The following SNX27 variants were observed in gnomAD, a reference collection of about 807,000 sequenced individuals.
SNX27 encodes sorting nexin-27.
Under a neutral mutation model 71.6 loss-of-function variants are expected in SNX27, and 22 were observed. The ratio of observed to expected loss-of-function variants is 0.31; its 90% CI spans 0.22 to 0.44. The LOEUF is 0.44. SNX27 is among the 20% of genes least tolerant of loss of function. The pLI, the probability that SNX27 is intolerant of heterozygous loss-of-function variation, is 1.00. For synonymous variants in SNX27, 269 were observed against 277.2 expected, an observed-to-expected ratio of 0.97 and a Z score of 0.29; for missense variants, 531 against 698.6, an observed-to-expected ratio of 0.76 and a Z score of 2.70.
intron 1 of SNX27, chr1:151,629,517 A>G (rs12752380): frequency 6.6e-6 from 1 of 150,692 alleles, no homozygotes. Context: ...ACATATATAC[A>G]CGTATATATA....
intron 7 of SNX27, chr1:151,679,560 T>G (rs1474393982): frequency 6.6e-6 from 1 of 152,208 alleles, no homozygotes; most frequent in Non-Finnish European, 1.5e-5. Flanking sequence ...TTGACAGTTT[T>G]TAGAAAATGA....
intron 7 of SNX27, chr1:151,669,206 T>C (rs977482710): frequency 6.6e-6 from 1 of 152,414 alleles, no homozygotes; most frequent in African/African-American, 2.4e-5. Flanking sequence ...TCCTTCTCCA[T>C]TCCTACCATA....
In SNX27 at chr1:151,668,594, T is replaced by A. The variant is rs1307799849; in HGVS notation, c.1108T>A (p.Leu370Ile). The change falls in exon 7 of 12, where the codon TTA (leucine) becomes ATA (isoleucine). Residue 370 changes from leucine to isoleucine, a missense_variant. Transcript: ENST00000458013. ...TTTTACAACAGAAGAAGAAATTCTC[T>A]TAAATGACAATGACCTTGCTGTTAC... ...WLFTTEEEIL[L>I]NDNDLAVTYF... 1 of 1,613,930 alleles carries A rather than the reference T, an allele frequency of 6.2e-7. No homozygotes were observed. The highest frequency in any genetic ancestry group is 8.5e-7 in the Non-Finnish European group (1 of 1,180,000).
At chr1:151,688,811 G>T (rs528693160) in intron 8 of SNX27, among the ~76,000 whole-genome samples, 1 of 151,962 alleles carries the variant, frequency 6.6e-6, no homozygotes, top group South Asian at 2.1e-4. Context: ...TACTACCTGG[G>T]TGTTTTTTCT....
At chr1:151,656,169 G>T (rs1669680668) in intron 2 of SNX27, among the ~76,000 whole-genome samples, 1 of 143,578 alleles carries the variant, frequency 7.0e-6, no homozygotes, top group East Asian at 2.1e-4. Flanking sequence ...CTTGCAGTGA[G>T]CAGACATCGT....
At chr1:151,617,046 C>G (rs1322380770) in intron 1 of SNX27, among the ~76,000 whole-genome samples, 1 of 152,044 alleles carries the variant, frequency 6.6e-6, no homozygotes, top group Non-Finnish European at 1.5e-5. Context: ...TAAGGTTATA[C>G]CAACAAATAG....
Position 151,642,335 on chromosome 1 carries a change from C to T in SNX27, c.543+3216C>T, listed in dbSNP as rs180911659. Among the ~76,000 whole-genome samples the T allele has an allele frequency of 4.0e-5, 6 of 150,282 alleles. No individual in the cohort carries two copies. In the East Asian group the frequency reaches 5.9e-4, roughly 15 times the overall value. On this transcript the variant is annotated intron_variant, in intron 2 of 11. Coordinates refer to ENST00000458013, the MANE Select transcript of SNX27 (RefSeq NM_001330723.2). ...CCGGGAGGCTGACCTTGCAGTGAGC[C>T]GAGATTGTGCCATTGCACTCCAGCC...
At chr1:151,685,302 G>A (rs567942239) in intron 8 of SNX27, 1 of 152,292 alleles carries the variant, frequency 6.6e-6, no homozygotes, top group African/African-American at 2.4e-5. Flanking sequence ...TAGTGATTCT[G>A]ATAGGTCATT....
chr1:151,688,183 G>T lies in SNX27; in HGVS notation c.1240-4252G>T, dbSNP rs578260031. On this transcript the variant is annotated intron_variant, in intron 8 of 11. Coordinates refer to ENST00000458013, the MANE Select transcript of SNX27 (RefSeq NM_001330723.2). Reference sequence around the variant, plus strand: ...GCTGTGTCCTTGGTGAGACAACAGAGTAAAGTCTCACTGGGAGACAGGGTG... The same window carrying T: ...GCTGTGTCCTTGGTGAGACAACAGATTAAAGTCTCACTGGGAGACAGGGTG... Among the ~76,000 whole-genome samples the T allele has an allele frequency of 2.0e-5, 3 of 152,172 alleles. No homozygotes were observed. In the South Asian group the frequency reaches 6.2e-4, roughly 32 times the overall value.
intron 8 of SNX27, among the ~76,000 whole-genome samples, chr1:151,687,480 A>G (rs1671231867): frequency 1.3e-5 from 2 of 151,928 alleles, no homozygotes; most frequent in South Asian, 2.1e-4. Flanking sequence ...CAGAATCACT[A>G]CTCTGATTCT....
chr1:151,624,670 G>T (rs1223541047), intron 1 of SNX27, among the ~76,000 whole-genome samples: 1 of 151,376 alleles, frequency 6.6e-6, no homozygotes, highest in Non-Finnish European at 1.5e-5. Flanking sequence ...GACCTCAGGT[G>T]ATACACCTAC....
At position 151,668,585 on chromosome 1, in the gene SNX27, G is replaced by A. The variant is rs1338008747; in HGVS notation, c.1099G>A (p.Glu367Lys). 6.2e-7 allele frequency: 1 copy of A among 1,613,888 alleles called. No individual in the cohort carries two copies. Among genetic ancestry groups the A allele is most frequent in the Non-Finnish European group, 8.5e-7 (1 of 1,179,970 alleles). The change falls in exon 7 of 12, where the codon GAA becomes AAA. Residue 367 changes from glutamate to lysine, a missense_variant. Around this residue, in one of 5 missense-constraint regions of SNX27, gnomAD observed 184 missense variants for 289.6 expected, o/e 0.64. Transcript: ENST00000458013. Reference sequence around the variant, plus strand: ...AAAGTGGCTTTTTACAACAGAAGAAGAAATTCTCTTAAATGACAATGACCT... The same window carrying A: ...AAAGTGGCTTTTTACAACAGAAGAAAAAATTCTCTTAAATGACAATGACCT... Reference protein sequence around the residue: ...IRKWLFTTEEEILLNDNDLAV... With the variant: ...IRKWLFTTEEKILLNDNDLAV...
chr1:151,638,588 CTT>C (rs1207046356), intron 1 of SNX27, among the ~76,000 whole-genome samples: 3 of 152,268 alleles, frequency 2.0e-5, no homozygotes, highest in East Asian at 3.9e-4. Context: ...ACTGAAAAAG[CTT>C]TGTTTCCTCC....
At chr1:151,651,060 T>C (rs1571816616) in intron 2 of SNX27, among the ~76,000 whole-genome samples, 1 of 152,008 alleles carries the variant, frequency 6.6e-6, no homozygotes, top group African/African-American at 2.4e-5. Context: ...CTTTCCCGCC[T>C]TTCTATTCCA....
chr1:151,657,397 G>A (rs1669744999), intron 2 of SNX27, among the ~76,000 whole-genome samples: 1 of 152,034 alleles, frequency 6.6e-6, no homozygotes, highest in Non-Finnish European at 1.5e-5. Flanking sequence ...TGAACTCTTG[G>A]ACTCAAGCAA....
At chr1:151,660,702 A>T in intron 3 of SNX27, 96 bp from the exon 4 acceptor site, 1 of 936,740 alleles carries the variant, frequency 1.1e-6, no homozygotes, top group Non-Finnish European at 1.7e-6. Flanking sequence ...ATTTAAACTT[A>T]AAACTGATGA....
rs886474002 is a variant in SNX27 at position 151,612,712 on chromosome 1, C to G, written c.311+200C>G. ...ACCCGCCCCGGGGCTTCTGCGACGCCGGTCTCCCACCCCGTCGTCTCCAGC... is the reference window on the plus strand; with the variant it reads ...ACCCGCCCCGGGGCTTCTGCGACGCGGGTCTCCCACCCCGTCGTCTCCAGC... On this transcript the variant is annotated intron_variant, in intron 1 of 11. Coordinates refer to ENST00000458013, the MANE Select transcript of SNX27 (RefSeq NM_001330723.2). This position sits in a 1 kb window ranked among gnomAD's most constrained non-coding sequence, Gnocchi z 5.2. 1.3e-5 allele frequency among the ~76,000 whole-genome samples: 2 copies of G among 152,110 alleles called. No individual in the cohort carries two copies. The highest frequency in any genetic ancestry group is 4.8e-5 in the African/African-American group (2 of 41,426).
Position 151,692,432 on chromosome 1 carries a change from T to TTATTAAAAA in SNX27, c.1240-3_1240-2insTATTAAAAA. The stretch of plus-strand genomic sequence containing the variant: ...TTTTTTTTTTTTTTTTTTTTTTTTT[T>TTATTAAAAA]AGTACCTCAACATGCTAAGGACTTG... On this transcript the variant is annotated splice_polypyrimidine_tract_variant and splice_region_variant and intron_variant, in intron 8 of 11. Coordinates refer to ENST00000458013, the MANE Select transcript of SNX27 (RefSeq NM_001330723.2). 1 of 1,452,074 alleles carries TTATTAAAAA rather than the reference T, an allele frequency of 6.9e-7. No homozygotes were observed. Among genetic ancestry groups the TTATTAAAAA allele is most frequent in the Non-Finnish European group, 9.1e-7 (1 of 1,101,932 alleles). The allele number at this position is 1,452,074 out of a possible 1,614,324, so 89.9% of individuals were successfully genotyped here.
At position 151,672,865 on chromosome 1, in the gene SNX27, TTC is replaced by T. The variant is rs1402277314; in HGVS notation, c.1149+4232_1149+4233del. Among the ~76,000 whole-genome samples, 5 of 150,818 alleles carry T rather than the reference TTC, an allele frequency of 3.3e-5. No individual in the cohort carries two copies. In the South Asian group the frequency reaches 8.3e-4, roughly 25 times the overall value. On this transcript the variant is annotated intron_variant, in intron 7 of 11. Transcript: ENST00000458013. Reference sequence around the variant, plus strand: ...TTTCATCTCTGATTTTATTTGGATCTTCTTTTTTTTTTCTTAATCTGGCTAAA... The same window carrying T: ...TTTCATCTCTGATTTTATTTGGATCTTTTTTTTTTTCTTAATCTGGCTAAA...
Sources: allele counts gnomAD v4.1 joint callset (sites outside exome capture counted in the v4.1 genomes callset), GRCh38; gene constraint gnomAD v4.1.1; regional missense constraint gnomAD v4.1.1; non-coding constraint Gnocchi (gnomAD v3.1); transcripts MANE v1.5; gene names NCBI Gene and HGNC (gene_info 2026-07-23, HGNC 2026-07-21).